LSAMP: variants seen among roughly 807,000 people sequenced by gnomAD.
LSAMP encodes limbic system associated membrane protein.
A neutral mutation model predicts 38.6 loss-of-function variants in LSAMP; 7 were observed. The ratio of observed to expected loss-of-function variants is 0.18; its 90% CI spans 0.10 to 0.34. The LOEUF (loss-of-function observed/expected upper bound fraction) is 0.34. Ranked by LOEUF, LSAMP falls within the 10% of genes least tolerant of loss-of-function variation. The probability of loss-of-function intolerance (pLI) is 1.00; values close to 1 mark genes in which losing one functional copy is unlikely to be tolerated. For missense variants in LSAMP, 313 were observed against 420.0 expected, an observed-to-expected ratio of 0.75 and a Z score of 2.23; for synonymous variants, 154 against 166.8, an observed-to-expected ratio of 0.92 and a Z score of 0.59.
At position 116,411,917 on chromosome 3, in the gene LSAMP, A is replaced by G. The variant is rs558307209; in HGVS notation, c.155+32960T>C. 1.7e-3 allele frequency among the ~76,000 whole-genome samples: 251 copies of G among 152,044 alleles called. 1 individual carries two copies. The highest frequency in any genetic ancestry group is 1.7e-3 in the Non-Finnish European group (117 of 67,930). On this transcript the variant is annotated intron_variant, in intron 1 of 6. Coordinates refer to ENST00000490035, the MANE Select transcript of LSAMP (RefSeq NM_002338.5). ...GAGGGAGTGGGATCCTGAAAAAAGGATAAGTTTGACCCCCATTTCTCTGTC... is the reference window on the plus strand; with the variant it reads ...GAGGGAGTGGGATCCTGAAAAAAGGGTAAGTTTGACCCCCATTTCTCTGTC...
intron 1 of LSAMP, among the ~76,000 whole-genome samples, chr3:116,238,405 C>T (rs1028496003): frequency 1.3e-5 from 2 of 152,128 alleles, no homozygotes; most frequent in African/African-American, 4.8e-5. Flanking sequence ...AAACATTTTT[C>T]AAATGTTTAA....
At chr3:116,027,040 G>C (rs1342606891) in intron 2 of LSAMP, among the ~76,000 whole-genome samples, 3 of 152,112 alleles carry the variant, frequency 2.0e-5, no homozygotes, top group Admixed American at 6.5e-5. Context: ...AACAACAAAT[G>C]CTTTTTTAGT....
chr3:116,311,954 C>G (rs1170848207), intron 1 of LSAMP, among the ~76,000 whole-genome samples: 4 of 152,124 alleles, frequency 2.6e-5, no homozygotes, highest in African/African-American at 9.7e-5. Context: ...AGATGAATGC[C>G]TATATGAGGA....
chr3:116,018,415 T>C lies in LSAMP; in HGVS notation c.514+1100A>G, dbSNP rs1280819200. ...AAATGTCTCAGTTTAGCTCCTGTTG[T>C]ACATCCAGTCTTGAATAATATTTTT... On this transcript the variant is annotated intron_variant, in intron 3 of 6. Coordinates refer to ENST00000490035, the MANE Select transcript of LSAMP (RefSeq NM_002338.5). Among the ~76,000 whole-genome samples, 4 of 152,296 alleles carry C rather than the reference T, an allele frequency of 2.6e-5. No homozygotes were observed. In the East Asian group the frequency reaches 7.7e-4, roughly 29 times the overall value.
intron 1 of LSAMP, among the ~76,000 whole-genome samples, chr3:116,281,959 A>G (rs1003427020): frequency 2.0e-5 from 3 of 152,230 alleles, no homozygotes; most frequent in Non-Finnish European, 4.4e-5. Context: ...GACACTGTCA[A>G]TAAGAAGTTT....
At chr3:116,242,010 T>G (rs2046542530) in intron 1 of LSAMP, among the ~76,000 whole-genome samples, 1 of 70,280 alleles carries the variant, frequency 1.4e-5, no homozygotes, top group Admixed American at 1.4e-4. Context: ...GCTTTCTTTT[T>G]AGACTTAACT....
At chr3:115,965,799 T>C (rs1938789933) in intron 3 of LSAMP, among the ~76,000 whole-genome samples, 1 of 152,142 alleles carries the variant, frequency 6.6e-6, no homozygotes, top group South Asian at 2.1e-4. Flanking sequence ...TACAAGTTTT[T>C]AAGATGGCAT....
At chr3:116,058,739 T>C (rs1941536677) in intron 2 of LSAMP, among the ~76,000 whole-genome samples, 1 of 152,164 alleles carries the variant, frequency 6.6e-6, no homozygotes, top group Non-Finnish European at 1.5e-5. Flanking sequence ...TTTTAGATAC[T>C]CAAATTCAGA....
intron 4 of LSAMP, among the ~76,000 whole-genome samples, chr3:115,849,472 C>A (rs1250419955): frequency 7.5e-6 from 1 of 132,830 alleles, no homozygotes; most frequent in Admixed American, 8.2e-5. Flanking sequence ...GTTAATAGCC[C>A]TGAGATTTTT....
At chr3:116,440,185 G>A (rs2049414663) in intron 1 of LSAMP, among the ~76,000 whole-genome samples, 1 of 152,182 alleles carries the variant, frequency 6.6e-6, no homozygotes, top group Admixed American at 6.5e-5. Flanking sequence ...GTGGCTATAA[G>A]CTGTAAATTA....
intron 3 of LSAMP, among the ~76,000 whole-genome samples, chr3:115,901,040 C>T (rs1220661681): frequency 6.6e-6 from 1 of 152,216 alleles, no homozygotes; most frequent in East Asian, 1.9e-4. Flanking sequence ...TTCACCTTTG[C>T]TTAGTAGTGA....
At chr3:116,215,000 T>C (rs1173643312) in intron 1 of LSAMP, among the ~76,000 whole-genome samples, 1 of 152,170 alleles carries the variant, frequency 6.6e-6, no homozygotes, top group Non-Finnish European at 1.5e-5. Context: ...TAATTGGACT[T>C]TAAAATGATA....
At chr3:116,040,482 T>G (rs528680548) in intron 2 of LSAMP, among the ~76,000 whole-genome samples, 1 of 152,360 alleles carries the variant, frequency 6.6e-6, no homozygotes, top group African/African-American at 2.4e-5. Flanking sequence ...GAAATGCACA[T>G]GCTCTACATG....
chr3:115,903,144 A>T (rs1425012789), intron 3 of LSAMP, among the ~76,000 whole-genome samples: 1 of 152,222 alleles, frequency 6.6e-6, no homozygotes, highest in Non-Finnish European at 1.5e-5. Context: ...ACACCATGGA[A>T]CACTATGCAG....
At chr3:116,401,157 C>A (rs996435486) in intron 1 of LSAMP, among the ~76,000 whole-genome samples, 1 of 152,164 alleles carries the variant, frequency 6.6e-6, no homozygotes, top group Non-Finnish European at 1.5e-5. Context: ...TGTACTTTAC[C>A]ATGTGCTGAA....
chr3:116,144,787 G>T (rs1284037028), intron 1 of LSAMP, among the ~76,000 whole-genome samples: 1 of 151,162 alleles, frequency 6.6e-6, no homozygotes, highest in Non-Finnish European at 1.5e-5. Context: ...AAATTTCCCG[G>T]GTGCTTTTGT....
chr3:115,932,334 C>A (rs1261314299), intron 3 of LSAMP, among the ~76,000 whole-genome samples: 1 of 152,154 alleles, frequency 6.6e-6, no homozygotes, highest in East Asian at 1.9e-4. Flanking sequence ...TTACATTACA[C>A]TAATTCATTG....
intron 3 of LSAMP, among the ~76,000 whole-genome samples, chr3:116,014,465 C>G (rs988682374): frequency 6.6e-6 from 1 of 152,014 alleles, no homozygotes; most frequent in East Asian, 1.9e-4. Flanking sequence ...ATTTTCTCCT[C>G]TTTTAAAATA....
At chr3:115,818,542 T>C (rs1265939971) in intron 6 of LSAMP, among the ~76,000 whole-genome samples, 2 of 151,730 alleles carry the variant, frequency 1.3e-5, no homozygotes, top group Non-Finnish European at 2.9e-5. Context: ...TATAAATTTG[T>C]GCTATGAATT....
Sources: allele counts gnomAD v4.1 joint callset (sites outside exome capture counted in the v4.1 genomes callset), GRCh38; gene constraint gnomAD v4.1.1; transcripts MANE v1.5; gene names NCBI Gene and HGNC (gene_info 2026-07-23, HGNC 2026-07-21).